BAIAP2L1: variants seen among roughly 807,000 people sequenced by gnomAD.
BAIAP2L1 encodes BAR/IMD domain containing adaptor protein 2 like 1.
In BAIAP2L1, 35 loss-of-function variants were observed where a neutral mutation model predicts 66.3. That is an observed-to-expected ratio of 0.53 (90% CI 0.40 to 0.70). BAIAP2L1 has a LOEUF of 0.70. BAIAP2L1 is among the 30% of genes least tolerant of loss of function. The pLI is 0.00. For missense variants in BAIAP2L1, 622 were observed against 656.9 expected, an observed-to-expected ratio of 0.95 and a Z score of 0.58; for synonymous variants, 269 against 248.7, an observed-to-expected ratio of 1.08 and a Z score of -0.77.
In BAIAP2L1 at chr7:98,386,587, T is replaced by G. The variant is rs979326222; in HGVS notation, c.51+14215A>C. ...CGCTTGTTCTTGCCAACCGCCATGG[T>G]GCTGGTCAGAGAGCCAAAAGCAGGA... On this transcript the variant is annotated intron_variant, in intron 1 of 13. Transcript: ENST00000005260. 41 of 1,595,874 alleles carry G rather than the reference T, an allele frequency of 2.6e-5. No homozygotes were observed. The Admixed American group carries it at 6.0e-4, about 23-fold the overall frequency.
intron 2 of BAIAP2L1, among the ~76,000 whole-genome samples, chr7:98,356,950 T>C (rs896618157): frequency 8.5e-6 from 1 of 117,918 alleles, no homozygotes; most frequent in African/African-American, 3.3e-5. Flanking sequence ...GAACCACAAC[T>C]GTACCACTGT....
intron 3 of BAIAP2L1, among the ~76,000 whole-genome samples, chr7:98,339,533 C>A (rs371714127): frequency 6.6e-6 from 1 of 152,224 alleles, no homozygotes; most frequent in South Asian, 2.1e-4. Context: ...TCTAACCCCC[C>A]ACCAGAACTG....
chr7:98,381,527 GT>G (rs1562791529), intron 1 of BAIAP2L1, among the ~76,000 whole-genome samples: 2 of 152,190 alleles, frequency 1.3e-5, no homozygotes, highest in Non-Finnish European at 2.9e-5. Flanking sequence ...GGCTTAGCCT[GT>G]CATAGAAGAA....
rs906910850 is a variant in BAIAP2L1 at position 98,349,949 on chromosome 7, C to G, written c.214+5093G>C. Among the ~76,000 whole-genome samples, 10 of 151,820 alleles carry G rather than the reference C, an allele frequency of 6.6e-5. 1 individual carries two copies. Among genetic ancestry groups the G allele is most frequent in the Admixed American group, 4.6e-4 (7 of 15,238 alleles). ...GCGCATGCCTGTAATCCCAGCTACT[C>G]GGGAGACTAAGGCAGGAGAATCGCC... is the stretch of plus-strand genomic sequence containing the variant. On this transcript the variant is annotated intron_variant, in intron 3 of 13. Transcript: ENST00000005260.
chr7:98,363,645 C>T (rs1352296667), intron 1 of BAIAP2L1, among the ~76,000 whole-genome samples: 1 of 152,198 alleles, frequency 6.6e-6, no homozygotes, highest in African/African-American at 2.4e-5. Flanking sequence ...TCACGACTCA[C>T]AACACGTGGC....
intron 3 of BAIAP2L1, among the ~76,000 whole-genome samples, chr7:98,346,931 A>G (rs965906848): frequency 5.3e-5 from 8 of 152,188 alleles, no homozygotes; most frequent in African/African-American, 1.9e-4. Context: ...ACTTACCAAC[A>G]TAATTGAGCC....
In BAIAP2L1 at chr7:98,353,402, TAA is replaced by T. The variant is rs966418293; in HGVS notation, c.214+1638_214+1639del. 1.1e-3 allele frequency among the ~76,000 whole-genome samples: 154 copies of T among 135,934 alleles called. 2 individuals are homozygous for T. The highest frequency in any genetic ancestry group is 2.0e-3 in the Admixed American group (24 of 12,144). The allele number at this position is 135,934 out of a possible 152,430, so 89.2% of individuals were successfully genotyped here. ...ATATTATGTATATTATAAATATACA[TAA>T]TATATATATTATAAATATATTTATA... On this transcript the variant is annotated intron_variant, in intron 3 of 13. Coordinates refer to ENST00000005260, the MANE Select transcript of BAIAP2L1 (RefSeq NM_018842.5).
chr7:98,325,291 G>A (rs1801353867), intron 3 of BAIAP2L1, among the ~76,000 whole-genome samples: 2 of 152,004 alleles, frequency 1.3e-5, no homozygotes, highest in Non-Finnish European at 2.9e-5. Flanking sequence ...GCTGAGGCAG[G>A]AGAACTGCAG....
chr7:98,325,267 C>T (rs1584458328), intron 3 of BAIAP2L1, among the ~76,000 whole-genome samples: 1 of 150,922 alleles, frequency 6.6e-6, no homozygotes, highest in South Asian at 2.1e-4. Context: ...CCTGTAGTCC[C>T]ACCTACTAGA....
At position 98,312,201 on chromosome 7, in the gene BAIAP2L1, C is replaced by T. The variant is rs1800900383; in HGVS notation, c.703G>A (p.Val235Met). 6.2e-7 allele frequency: 1 copy of T among 1,614,144 alleles called. No homozygotes were observed. The highest frequency in any genetic ancestry group is 8.5e-7 in the Non-Finnish European group (1 of 1,180,016). ...WQETCVDAIK[V>M]PEKIMNMIEE... ...ATCATATTCATGATTTTCTCTGGCA[C>T]TTTGATGGCATCAACACAGGTCTCC... Residue 235 changes from valine (V) to methionine (M), a missense_variant, in exon 8 of 14, where the codon GTG becomes ATG. Transcript: ENST00000005260.
intron 3 of BAIAP2L1, among the ~76,000 whole-genome samples, chr7:98,343,248 TACACACACAC>T (rs57033582): frequency 7.4e-4 from 95 of 128,586 alleles, no homozygotes; most frequent in African/African-American, 1.7e-3. Context: ...AAAAAAAAAA[TACACACACAC>T]ACACACACAC....
intron 3 of BAIAP2L1, among the ~76,000 whole-genome samples, chr7:98,344,129 A>G (rs1451638088): frequency 6.6e-6 from 1 of 152,182 alleles, no homozygotes; most frequent in Admixed American, 6.5e-5. Context: ...GTGAGCTGAG[A>G]TCGCGCCACT....
At chr7:98,346,997 C>A (rs78237873) in intron 3 of BAIAP2L1, among the ~76,000 whole-genome samples, 3 of 60,794 alleles carry the variant, frequency 4.9e-5, no homozygotes, top group East Asian at 6.8e-4. Context: ...GCCAGCAAAA[C>A]AACAACAACA....
chr7:98,317,837 A>G (rs1801125107), intron 5 of BAIAP2L1, among the ~76,000 whole-genome samples: 1 of 149,932 alleles, frequency 6.7e-6, no homozygotes, highest in Non-Finnish European at 1.5e-5. Context: ...GTCACCCCGT[A>G]GTTCACACCA....
intron 6 of BAIAP2L1, among the ~76,000 whole-genome samples, chr7:98,316,204 C>T (rs567734013): frequency 4.5e-4 from 68 of 152,266 alleles, no homozygotes; most frequent in Admixed American, 1.0e-3. Flanking sequence ...GTGACTTGCT[C>T]CTCCTTCCCT....
At chr7:98,362,648 T>C (rs1307793154) in intron 1 of BAIAP2L1, among the ~76,000 whole-genome samples, 1 of 152,132 alleles carries the variant, frequency 6.6e-6, no homozygotes, top group Non-Finnish European at 1.5e-5. Context: ...CTGGCAGTTC[T>C]CAGTTGCCCA....
rs563971748 is a variant in BAIAP2L1, at chr7:98,321,479, T to G, written c.215-1181A>C. ...GCCCCTGAAACCAAGCACAGTCACA[T>G]GATGGGCAGGATGCTCCAGGACAGA... On this transcript the variant is annotated intron_variant, in intron 3 of 13. Transcript: ENST00000005260. Among the ~76,000 whole-genome samples the G allele has an allele frequency of 1.9e-3, 283 of 152,246 alleles. 1 individual carries two copies. The highest frequency in any genetic ancestry group is 7.1e-3 in the South Asian group (34 of 4,822).
chr7:98,340,454 AT>A (rs1157981676), intron 3 of BAIAP2L1, among the ~76,000 whole-genome samples: 1 of 151,636 alleles, frequency 6.6e-6, no homozygotes, highest in African/African-American at 2.4e-5. Context: ...CTCCCGGCTA[AT>A]TTTTTGTATA....
chr7:98,336,967 C>T (rs1187479981), intron 3 of BAIAP2L1, among the ~76,000 whole-genome samples: 1 of 152,162 alleles, frequency 6.6e-6, no homozygotes. Context: ...CCTAAGCTTC[C>T]ATTTTCTTGT....
Sources: gnomAD v4.1 joint callset for allele counts (sites outside exome capture counted in the v4.1 genomes callset) on GRCh38, gnomAD v4.1.1 for gene constraint, MANE v1.5 for transcripts, NCBI Gene and HGNC (gene_info 2026-07-23, HGNC 2026-07-21) for gene names.